Variants in LRRTM4 observed in about 807,000 individuals in gnomAD.
LRRTM4 encodes leucine rich repeat transmembrane neuronal 4.
In LRRTM4, 25 loss-of-function variants were observed where a neutral mutation model predicts 47.6. The observed-to-expected ratio is 0.53, with a 90% CI of 0.38 to 0.73. LRRTM4 has a LOEUF of 0.73. Among genes scored for constraint, LRRTM4 ranks in the 30% least tolerant of loss-of-function variants. The pLI is 0.00. For synonymous variants in LRRTM4, 311 were observed against 269.5 expected (o/e 1.15, Z -1.51); for missense variants, 638 against 713.4 (o/e 0.89, Z 1.20).
Position 76,978,541 on chromosome 2 carries a change from G to A in LRRTM4, c.1552-229625C>T, listed in dbSNP as rs116218148. Among the ~76,000 whole-genome samples, 561 of 152,118 alleles carry A rather than the reference G, an allele frequency of 3.7e-3. 3 individuals carry two copies. Among genetic ancestry groups the A allele is most frequent in the African/African-American group, 0.012 (510 of 41,546 alleles). Reference sequence around the variant, plus strand: ...CATTTTAAGAAATGGATGAGATAGAGAGACATGGAATAAAAATGAAACTGG... The same window carrying A: ...CATTTTAAGAAATGGATGAGATAGAAAGACATGGAATAAAAATGAAACTGG... On this transcript the variant is annotated intron_variant, in intron 3 of 3. Transcript: ENST00000409884.
intron 3 of LRRTM4, among the ~76,000 whole-genome samples, chr2:77,366,814 A>G (rs1168001962): frequency 1.3e-5 from 2 of 151,826 alleles, no homozygotes; most frequent in Non-Finnish European, 2.9e-5. Flanking sequence ...ATTAATCTCT[A>G]TCTTCACAAC....
intron 3 of LRRTM4, among the ~76,000 whole-genome samples, chr2:76,811,506 T>C (rs114675688): frequency 0.016 from 2,362 of 152,228 alleles, 52 homozygotes; most frequent in African/African-American, 0.05. Flanking sequence ...CTACTCTACA[T>C]TGCAAGCTTA....
intron 3 of LRRTM4, among the ~76,000 whole-genome samples, chr2:76,772,240 A>G (rs911848911): frequency 4.6e-5 from 7 of 152,170 alleles, no homozygotes; most frequent in Admixed American, 3.3e-4. Flanking sequence ...ACGGCCATCT[A>G]TGAACCAAGA....
At chr2:76,928,883 T>C (rs949663600) in intron 3 of LRRTM4, among the ~76,000 whole-genome samples, 3 of 152,182 alleles carry the variant, frequency 2.0e-5, no homozygotes, top group African/African-American at 7.2e-5. Context: ...ATCATATTAA[T>C]ATATTTCCTG....
chr2:76,919,297 T>A (rs979741269), intron 3 of LRRTM4, among the ~76,000 whole-genome samples: 4 of 152,146 alleles, frequency 2.6e-5, no homozygotes, highest in Admixed American at 6.5e-5. Context: ...ATAAACCGCA[T>A]TTTTAGTATA....
intron 3 of LRRTM4, among the ~76,000 whole-genome samples, chr2:77,049,133 T>TATACATATATATATAC (rs1239697867): frequency 8.1e-6 from 1 of 123,812 alleles, no homozygotes; most frequent in African/African-American, 3.9e-5. Context: ...TATATATATA[T>TATACATATATATATAC]ATATATATAT....
intron 3 of LRRTM4, among the ~76,000 whole-genome samples, chr2:77,014,788 G>T (rs1407705951): frequency 6.6e-6 from 1 of 151,940 alleles, no homozygotes; most frequent in Non-Finnish European, 1.5e-5. Flanking sequence ...CTGCAGCATG[G>T]GGGACAGAGT....
At chr2:76,892,425 G>A (rs560668191) in intron 3 of LRRTM4, among the ~76,000 whole-genome samples, 24 of 151,716 alleles carry the variant, frequency 1.6e-4, no homozygotes, top group African/African-American at 3.4e-4. Context: ...GCCCTGCACC[G>A]TTTTATATGC....
chr2:77,489,286 C>T (rs2104040100), intron 3 of LRRTM4, among the ~76,000 whole-genome samples: 1 of 152,280 alleles, frequency 6.6e-6, no homozygotes, highest in Non-Finnish European at 1.5e-5. Context: ...CACAGGTAGT[C>T]CTTCAAGTTT....
intron 3 of LRRTM4, among the ~76,000 whole-genome samples, chr2:76,923,185 T>C (rs985619327): frequency 2.6e-5 from 4 of 151,422 alleles, no homozygotes; most frequent in African/African-American, 9.7e-5. Flanking sequence ...AAGAGATAGG[T>C]TTTAACTATA....
At chr2:77,133,703 C>A (rs1279526540) in intron 3 of LRRTM4, among the ~76,000 whole-genome samples, 1 of 152,122 alleles carries the variant, frequency 6.6e-6, no homozygotes, top group African/African-American at 2.4e-5. Flanking sequence ...ATACATACAA[C>A]CTGGTTCTGA....
intron 3 of LRRTM4, among the ~76,000 whole-genome samples, chr2:77,313,905 CAAAA>C (rs1335015776): frequency 2.6e-5 from 4 of 152,228 alleles, no homozygotes; most frequent in African/African-American, 9.6e-5. Context: ...TTTCCTTAAA[CAAAA>C]ATCTGTTTTT....
intron 3 of LRRTM4, among the ~76,000 whole-genome samples, chr2:76,759,631 A>ATGTG (rs143777731): frequency 1.3e-5 from 2 of 151,562 alleles, no homozygotes; most frequent in East Asian, 1.9e-4. Context: ...GCTATTGTAT[A>ATGTG]TGTGTGTGTG....
chr2:77,464,858 G>T (rs1676924356), intron 3 of LRRTM4, among the ~76,000 whole-genome samples: 1 of 152,092 alleles, frequency 6.6e-6, no homozygotes, highest in Non-Finnish European at 1.5e-5. Flanking sequence ...AATCAGCATT[G>T]TTTAACAAGC....
At chr2:77,319,120 C>T (rs1573246009) in intron 3 of LRRTM4, among the ~76,000 whole-genome samples, 1 of 152,240 alleles carries the variant, frequency 6.6e-6, no homozygotes, top group East Asian at 1.9e-4. Flanking sequence ...CGTGGTGGCT[C>T]ATGCCTGTAA....
chr2:76,905,537 C>G (rs943897779), intron 3 of LRRTM4, among the ~76,000 whole-genome samples: 3 of 151,938 alleles, frequency 2.0e-5, no homozygotes, highest in East Asian at 3.9e-4. Context: ...AGGCTTCAGA[C>G]GATCAAACTA....
intron 3 of LRRTM4, among the ~76,000 whole-genome samples, chr2:76,843,546 C>A (rs978431687): frequency 3.3e-5 from 5 of 152,166 alleles, no homozygotes; most frequent in Non-Finnish European, 7.3e-5. Context: ...TCAATGATAA[C>A]TGAATATTTC....
intron 3 of LRRTM4, among the ~76,000 whole-genome samples, chr2:77,149,664 C>T (rs1451398351): frequency 2.0e-5 from 3 of 152,168 alleles, no homozygotes; most frequent in Admixed American, 1.3e-4. Context: ...CTGAGACTTA[C>T]ACTACTCAGG....
intron 3 of LRRTM4, among the ~76,000 whole-genome samples, chr2:77,168,482 T>C: frequency 6.6e-6 from 1 of 152,130 alleles, no homozygotes. Context: ...GATATATATG[T>C]ACAATGTGTA....
Sources: allele counts gnomAD v4.1 joint callset (sites outside exome capture counted in the v4.1 genomes callset), GRCh38; gene constraint gnomAD v4.1.1; transcripts MANE v1.5; gene names NCBI Gene and HGNC (gene_info 2026-07-23, HGNC 2026-07-21).